UNC13C: variants seen among roughly 807,000 people sequenced by gnomAD.
The protein encoded by UNC13C is unc-13 homolog C.
Under a neutral mutation model 245.4 loss-of-function variants are expected in UNC13C, and 174 were observed. The observed-to-expected ratio is 0.71, with a 90% CI of 0.63 to 0.80. The LOEUF (loss-of-function observed/expected upper bound fraction) is 0.80, where lower values mean the gene tolerates loss of function less well. UNC13C is among the 30% of genes least tolerant of loss of function. The pLI is 0.00. For synonymous variants in UNC13C, 992 were observed against 895.1 expected (o/e 1.11, Z -1.93); for missense variants, 2,829 against 2,602.9 (o/e 1.09, Z -1.89).
At chr15:54,163,816 A>G (rs1361928390) in intron 4 of UNC13C, among the ~76,000 whole-genome samples, 1 of 152,226 alleles carries the variant, frequency 6.6e-6, no homozygotes, top group Non-Finnish European at 1.5e-5. Context: ...TTGGAATCAG[A>G]AGAAATAATT....
intron 13 of UNC13C, among the ~76,000 whole-genome samples, chr15:54,301,326 A>G (rs1170527630): frequency 1.3e-5 from 2 of 148,424 alleles, no homozygotes; most frequent in African/African-American, 2.5e-5. Flanking sequence ...TCTGGGGTAC[A>G]TGTGCAGAAT....
chr15:54,125,672 T>A (rs954008280), intron 2 of UNC13C, among the ~76,000 whole-genome samples: 1 of 152,144 alleles, frequency 6.6e-6, no homozygotes, highest in African/African-American at 2.4e-5. Flanking sequence ...AATATTTGTG[T>A]ATTTGTTTAT....
At chr15:54,423,948 A>C (rs936219951) in intron 19 of UNC13C, among the ~76,000 whole-genome samples, 9 of 151,906 alleles carry the variant, frequency 5.9e-5, no homozygotes, top group Non-Finnish European at 1.2e-4. Flanking sequence ...AGAAATAATA[A>C]ATTGAAAGAA....
intron 1 of UNC13C, among the ~76,000 whole-genome samples, chr15:54,006,715 C>T (rs1303162853): frequency 6.6e-6 from 1 of 152,210 alleles, no homozygotes; most frequent in African/African-American, 2.4e-5. Context: ...AACCTATTTG[C>T]TCATCATCTG....
chr15:54,265,413 T>TA lies in UNC13C; in HGVS notation c.3736dup (p.Thr1246AsnfsTer24). On this transcript the variant is annotated frameshift_variant, in exon 10 of 33. Transcript: ENST00000260323. LOFTEE classifies it high-confidence loss of function. Reference sequence around the variant, plus strand: ...AAACAGGGTCTAGTGATCCATATGTTACAGTTCAAGTTGGAAAGAACAAAA... The same window carrying TA: ...AAACAGGGTCTAGTGATCCATATGTTAACAGTTCAAGTTGGAAAGAACAAAA... 1 of 1,589,526 alleles carries TA rather than the reference T, an allele frequency of 6.3e-7. No homozygotes were observed. Among genetic ancestry groups the TA allele is most frequent in the Non-Finnish European group, 8.6e-7 (1 of 1,165,804 alleles).
intron 13 of UNC13C, among the ~76,000 whole-genome samples, chr15:54,307,056 C>T (rs1189547421): frequency 6.6e-6 from 1 of 151,926 alleles, no homozygotes; most frequent in Non-Finnish European, 1.5e-5. Flanking sequence ...TCATGAACCC[C>T]ACATTCTAGA....
At chr15:54,229,792 C>T (rs949651893) in intron 4 of UNC13C, among the ~76,000 whole-genome samples, 20 of 152,138 alleles carry the variant, frequency 1.3e-4, no homozygotes, top group Admixed American at 3.3e-4. Flanking sequence ...CCTTCCCTGC[C>T]ATCCACCTCT....
chr15:54,482,614 A>AATTCTACTGTTCTCTCCCAGATGCTGT (rs1893183641), intron 19 of UNC13C, among the ~76,000 whole-genome samples: 1 of 149,654 alleles, frequency 6.7e-6, no homozygotes, highest in Non-Finnish European at 1.5e-5. Context: ...TTCCCTGCTG[A>AATTCTACTGTTCTCTCCCAGATGCTGT]ATTCCACTGT....
intron 2 of UNC13C, among the ~76,000 whole-genome samples, chr15:54,047,241 T>G (rs1897077965): frequency 6.6e-6 from 1 of 152,028 alleles, no homozygotes; most frequent in Non-Finnish European, 1.5e-5. Context: ...AGGTACATTT[T>G]TAAAATTATG....
intron 27 of UNC13C, among the ~76,000 whole-genome samples, chr15:54,548,208 CTTTTTTT>C (rs60975842): frequency 2.3e-4 from 14 of 61,878 alleles, no homozygotes; most frequent in Admixed American, 3.6e-4. Context: ...GTTTCTTTTG[CTTTTTTT>C]TTTTTTTTTT....
chr15:54,079,333 C>A (rs552643705), intron 2 of UNC13C, among the ~76,000 whole-genome samples: 9 of 151,980 alleles, frequency 5.9e-5, no homozygotes, highest in Admixed American at 5.9e-4. Flanking sequence ...TCATTTTTTT[C>A]TAATCCTGTG....
chr15:54,049,244 A>G (rs1897171321), intron 2 of UNC13C: 3 of 514,494 alleles, frequency 5.8e-6, no homozygotes, highest in South Asian at 4.7e-5. Context: ...TTACTCAGAG[A>G]CACAGTCTGT....
At position 54,511,837 on chromosome 15, in the gene UNC13C, A is replaced by G. The variant is rs1192071857; in HGVS notation, c.5457+7A>G. 1 of 1,593,694 alleles carries G rather than the reference A, an allele frequency of 6.3e-7. No individual in the cohort carries two copies. Among genetic ancestry groups the G allele is most frequent in the South Asian group, 1.1e-5 (1 of 88,188 alleles). ...ATCCATGGGAGGGAAGGAGGTGGGT[A>G]TCTTTTTCTCCTACATTTGCTAAAA... On this transcript the variant is annotated splice_region_variant and intron_variant, in intron 24 of 32. Transcript: ENST00000260323.
intron 5 of UNC13C, among the ~76,000 whole-genome samples, chr15:54,236,017 G>T (rs2035688716): frequency 9.5e-6 from 1 of 105,498 alleles, no homozygotes; most frequent in African/African-American, 5.0e-5. Flanking sequence ...ACATTAGATT[G>T]TAAAAAAAAA....
At chr15:53,889,031 G>A in the UNC13C span, among the ~76,000 whole-genome samples, 13 of 152,128 alleles carry the variant, frequency 8.5e-5, no homozygotes, top group African/African-American at 4.8e-5. Flanking sequence ...TTGGCTCTGC[G>A]GGCTCTTTTT....
intron 2 of UNC13C, among the ~76,000 whole-genome samples, chr15:54,134,645 G>A (rs1430243920): frequency 1.3e-5 from 2 of 151,690 alleles, no homozygotes; most frequent in Admixed American, 1.3e-4. Context: ...TTAGCCTCCC[G>A]AGTAGCTGAG....
chr15:54,333,638 C>T, intron 15 of UNC13C, 129 bp from the exon 16 acceptor site: 1 of 585,008 alleles, frequency 1.7e-6, no homozygotes, highest in Non-Finnish European at 3.1e-6. Flanking sequence ...TTTAAGAATA[C>T]CTTGAGTATT....
chr15:53,960,454 AC>A, the UNC13C span, among the ~76,000 whole-genome samples: 1 of 151,404 alleles, frequency 6.6e-6, no homozygotes. Flanking sequence ...AAGTTTTATT[AC>A]CCTTTTCAGA....
chr15:54,041,243 A>G (rs1420194196), intron 2 of UNC13C, among the ~76,000 whole-genome samples: 2 of 152,170 alleles, frequency 1.3e-5, no homozygotes, highest in African/African-American at 2.4e-5. Flanking sequence ...CATATCATAA[A>G]AATCCTTAAA....
Sources: allele counts gnomAD v4.1 joint callset (sites outside exome capture counted in the v4.1 genomes callset), GRCh38; gene constraint gnomAD v4.1.1; transcripts MANE v1.5; gene names NCBI Gene and HGNC (gene_info 2026-07-23, HGNC 2026-07-21).